Variants in LPL observed in about 807,000 individuals in gnomAD.
The protein encoded by LPL is lipoprotein lipase.
LPL carries 43 observed loss-of-function variants against 52.2 expected under a neutral mutation model. The ratio of observed to expected loss-of-function variants is 0.82; its 90% confidence interval spans 0.64 to 1.06. The LOEUF (loss-of-function observed/expected upper bound fraction) is 1.06, where lower values mean the gene tolerates loss of function less well. Ranked by LOEUF, LPL falls within the 50% of genes least tolerant of loss-of-function variation. The pLI is 0.00. For synonymous variants in LPL, 244 were observed against 215.6 expected (o/e 1.13, Z -1.15); for missense variants, 639 against 585.3 (o/e 1.09, Z -0.95).
intron 1 of LPL, among the ~76,000 whole-genome samples, chr8:19,940,885 G>A (rs1467016822): frequency 2.0e-5 from 3 of 152,162 alleles, no homozygotes; most frequent in African/African-American, 7.2e-5. Flanking sequence ...GAGCCCAGAA[G>A]TTCGAAATCA....
At chr8:19,945,766 C>T (rs991871828) in intron 1 of LPL, among the ~76,000 whole-genome samples, 2 of 152,148 alleles carry the variant, frequency 1.3e-5, no homozygotes, top group East Asian at 1.9e-4. Flanking sequence ...TGAATGGCAG[C>T]CTCTGGAGTT....
Position 19,939,350 on chromosome 8 carries a change from A to C in LPL, c.-91A>C, listed in dbSNP as rs2069807944. 1.0e-5 allele frequency: 13 copies of C among 1,304,556 alleles called. No homozygotes were observed. Among genetic ancestry groups the C allele is most frequent in the Middle Eastern group, 2.3e-4 (1 of 4,258 alleles). 80.8% of individuals were successfully genotyped at this position (1,304,556 alleles called of 1,614,324 possible). A position where few individuals can be genotyped will look rare whatever the true frequency, so the allele number is the denominator to read the frequency against. ...TTAAAGGGCGACTTGCTCAGCGCCA[A>C]ACCGCGGCTCCAGCCCTCTCCAGCC... On this transcript the variant is annotated 5_prime_UTR_variant, in exon 1 of 10. Coordinates refer to ENST00000650287, the MANE Select transcript of LPL (RefSeq NM_000237.3). The surrounding 1 kb of genome is among the most constrained non-coding windows in gnomAD (Gnocchi z 4.0).
At chr8:19,955,037 T>C (rs2069971359) in intron 5 of LPL, among the ~76,000 whole-genome samples, 1 of 152,172 alleles carries the variant, frequency 6.6e-6, no homozygotes, top group Admixed American at 6.6e-5. Context: ...TTGCATACTT[T>C]ATAGACATTG....
At position 19,942,294 on chromosome 8, in the gene LPL, G is replaced by A. The variant is rs73667466; in HGVS notation, c.88+2766G>A. ...CAATATTTTGCAGCTAGTTTCTTCC[G>A]TGACCACCACAAAGACTGCATTGAC... On this transcript the variant is annotated intron_variant, in intron 1 of 9. Coordinates refer to ENST00000650287, the MANE Select transcript of LPL (RefSeq NM_000237.3). Among the ~76,000 whole-genome samples the A allele has an allele frequency of 7.7e-3, 1,178 of 152,192 alleles. 17 individuals carry two copies. The highest frequency in any genetic ancestry group is 0.027 in the African/African-American group (1,106 of 41,508).
chr8:19,948,094 T>G, intron 1 of LPL, 86 bp from the exon 2 acceptor site: 1 of 1,398,776 alleles, frequency 7.1e-7, no homozygotes, highest in Non-Finnish European at 1.0e-6. Context: ...TCAGCGGTGG[T>G]TGCCTGTGAA....
chr8:19,958,211 AGGGTTTCACCAT>A, intron 6 of LPL, among the ~76,000 whole-genome samples: 1 of 152,134 alleles, frequency 6.6e-6, no homozygotes, highest in Middle Eastern at 3.4e-3. Flanking sequence ...TAGTAGAAAC[AGGGTTTCACCAT>A]GTTGGCCAAG....
At chr8:19,940,468 C>A (rs1034299554) in intron 1 of LPL, among the ~76,000 whole-genome samples, 4 of 152,196 alleles carry the variant, frequency 2.6e-5, no homozygotes, top group African/African-American at 4.8e-5. Context: ...GCCAGGGAAC[C>A]GCCCGCTCGC....
intron 2 of LPL, among the ~76,000 whole-genome samples, chr8:19,951,038 T>G (rs993378549): frequency 2.0e-5 from 3 of 152,060 alleles, no homozygotes; most frequent in Non-Finnish European, 4.4e-5. Context: ...TTGCCTTATC[T>G]GAAATAAGCT....
At chr8:19,954,046 G>T in intron 4 of LPL, 74 bp from the exon 5 acceptor site, 1 of 1,006,790 alleles carries the variant, frequency 9.9e-7, no homozygotes, top group South Asian at 1.3e-5. Flanking sequence ...GCATTCAAAT[G>T]ATGAGCAGTG....
At chr8:19,963,862 C>T (rs1440266074) in intron 9 of LPL, among the ~76,000 whole-genome samples, 1 of 152,102 alleles carries the variant, frequency 6.6e-6, no homozygotes, top group African/African-American at 2.4e-5. Flanking sequence ...GAGGTTATTA[C>T]GTTGTTTTTC....
At chr8:19,956,740 T>C (rs2069989657) in intron 6 of LPL, among the ~76,000 whole-genome samples, 1 of 152,208 alleles carries the variant, frequency 6.6e-6, no homozygotes, top group Non-Finnish European at 1.5e-5. Context: ...ACAGAGTTGA[T>C]AGCCCACAGA....
rs1392360803 is a variant in LPL, at chr8:19,950,308, G to C, written c.250-1461G>C. Among the ~76,000 whole-genome samples, 2 of 152,224 alleles carry C rather than the reference G, an allele frequency of 1.3e-5. No homozygotes were observed. The highest frequency in any genetic ancestry group is 3.8e-4 in the East Asian group (2 of 5,202). ...GAACCTCAGAAGAAAAACTCAGATT[G>C]AAAGAACTTAGAATAAGACCCTTTT... On this transcript the variant is annotated intron_variant, in intron 2 of 9. Coordinates refer to ENST00000650287, the MANE Select transcript of LPL (RefSeq NM_000237.3). This position sits in a 1 kb window ranked among gnomAD's most constrained non-coding sequence, Gnocchi z 4.2.
At chr8:19,943,482 A>C (rs2069857433) in intron 1 of LPL, among the ~76,000 whole-genome samples, 1 of 152,230 alleles carries the variant, frequency 6.6e-6, no homozygotes, top group African/African-American at 2.4e-5. Context: ...CCTCCCTCCA[A>C]TAAAACAATT....
intron 2 of LPL, among the ~76,000 whole-genome samples, chr8:19,949,507 G>A (rs867826005): frequency 1.1e-4 from 17 of 152,026 alleles, no homozygotes; most frequent in Non-Finnish European, 2.1e-4. Flanking sequence ...TTTTGAGATG[G>A]AGGCTCACTC....
intron 3 of LPL, among the ~76,000 whole-genome samples, chr8:19,952,962 T>C (rs772182795): frequency 2.0e-5 from 3 of 152,236 alleles, no homozygotes; most frequent in Non-Finnish European, 4.4e-5. Context: ...GTACGTATAG[T>C]ATATGGTTAT....
intron 7 of LPL, 61 bp downstream of exon 7, chr8:19,959,441 TC>T: frequency 6.2e-7 from 1 of 1,603,824 alleles, no homozygotes; most frequent in Non-Finnish European, 8.5e-7. Flanking sequence ...TAACCCTTGG[TC>T]TGAGCAGCAG....
In LPL at chr8:19,948,606, C is replaced by T. The variant is rs1373806174; in HGVS notation, c.249+266C>T. ...CTTCCTGCGAGGTTGGTAAAGGATG[C>T]TCTGCCCAGCTACTGAGCAGAAGAT... On this transcript the variant is annotated intron_variant, in intron 2 of 9. Transcript: ENST00000650287. The T allele has an allele frequency of 2.0e-5, 9 of 442,840 alleles. No individual in the cohort carries two copies. The Admixed American group carries it at 2.6e-4, about 13-fold the overall frequency. The allele number at this position is 442,840 out of a possible 1,614,324, so 27.4% of individuals were successfully genotyped here. A position where few individuals can be genotyped will look rare whatever the true frequency, so the allele number is the denominator to read the frequency against.
At chr8:19,958,919 G>A (rs1473439361) in intron 6 of LPL, among the ~76,000 whole-genome samples, 7 of 152,200 alleles carry the variant, frequency 4.6e-5, no homozygotes, top group African/African-American at 1.4e-4. Flanking sequence ...GGAGTTCATG[G>A]AGAAAGCATC....
At position 19,939,257 on chromosome 8, in the gene LPL, G is replaced by A. The variant is rs185190253; in HGVS notation, c.-184G>A. ...CAGCCTTGGCGTGAAAACAGTGTCA[G>A]ACTCGATTCCCCCTCTTCCTCCTCC... On this transcript the variant is annotated 5_prime_UTR_variant, in exon 1 of 10. Transcript: ENST00000650287. The surrounding 1 kb of genome is among the most constrained non-coding windows in gnomAD (Gnocchi z 4.0). 66 of 612,776 alleles carry A rather than the reference G, an allele frequency of 1.1e-4. No individual in the cohort carries two copies. In the African/African-American group the frequency reaches 1.1e-3, roughly 10 times the overall value. The allele number at this position is 612,776 out of a possible 1,614,324, so 38.0% of individuals were successfully genotyped here.
Sources: gnomAD v4.1 joint callset for allele counts (sites outside exome capture counted in the v4.1 genomes callset) on GRCh38, gnomAD v4.1.1 for gene constraint, Gnocchi (gnomAD v3.1) non-coding constraint, MANE v1.5 for transcripts, NCBI Gene and HGNC (gene_info 2026-07-23, HGNC 2026-07-21) for gene names.